The following SORCS3 variants were observed in gnomAD, a reference collection of about 807,000 sequenced individuals.
SORCS3 encodes VPS10 domain-containing receptor SorCS3.
SORCS3 carries 57 observed loss-of-function variants against 146.3 expected under a neutral mutation model. The ratio of observed to expected loss-of-function variants is 0.39; its 90% CI spans 0.31 to 0.49. SORCS3 has a LOEUF of 0.49. Ranked by LOEUF, SORCS3 falls within the 20% of genes least tolerant of loss-of-function variation. The pLI, the probability that SORCS3 is intolerant of heterozygous loss-of-function variation, is 0.92. For synonymous variants in SORCS3, 653 were observed against 618.5 expected, an observed-to-expected ratio of 1.06 and a Z score of -0.83; for missense variants, 1,341 against 1,575.5, an observed-to-expected ratio of 0.85 and a Z score of 2.52.
At chr10:105,067,016 T>C (rs1288208370) in intron 5 of SORCS3, among the ~76,000 whole-genome samples, 1 of 152,208 alleles carries the variant, frequency 6.6e-6, no homozygotes, top group Non-Finnish European at 1.5e-5. Flanking sequence ...GGTACACTTT[T>C]AATCTTGTCT....
In SORCS3 at chr10:104,973,950, C is replaced by T. The variant is rs1397069456; in HGVS notation, c.796-3385C>T. Among the ~76,000 whole-genome samples the T allele has an allele frequency of 3.1e-3, 470 of 152,068 alleles. 3 individuals are homozygous for T. The highest frequency in any genetic ancestry group is 0.018 in the South Asian group (84 of 4,800). On this transcript the variant is annotated intron_variant, in intron 3 of 26. Coordinates refer to ENST00000369701, the MANE Select transcript of SORCS3 (RefSeq NM_014978.3). ...CTTTATTTCTGCCTTCATTTCATTACGTACCCAGTAGTCATTCAGGAGCAG... is the reference window on the plus strand; with the variant it reads ...CTTTATTTCTGCCTTCATTTCATTATGTACCCAGTAGTCATTCAGGAGCAG...
chr10:105,200,562 G>A (rs938856756), intron 15 of SORCS3, among the ~76,000 whole-genome samples: 1 of 152,098 alleles, frequency 6.6e-6, no homozygotes, highest in Non-Finnish European at 1.5e-5. Flanking sequence ...GTCTAGCAAT[G>A]GTAGATATTT....
At chr10:105,226,234 C>A (rs1380467692) in intron 20 of SORCS3, among the ~76,000 whole-genome samples, 1 of 151,816 alleles carries the variant, frequency 6.6e-6, no homozygotes, top group Non-Finnish European at 1.5e-5. Flanking sequence ...TACATTCCTT[C>A]TATGCTGGTT....
At chr10:104,730,027 T>C (rs1445780120) in intron 1 of SORCS3, among the ~76,000 whole-genome samples, 1 of 152,204 alleles carries the variant, frequency 6.6e-6, no homozygotes, top group Non-Finnish European at 1.5e-5. Context: ...ATCACCTTGC[T>C]CAGACTTGGT....
intron 4 of SORCS3, among the ~76,000 whole-genome samples, chr10:104,987,974 T>C (rs73351636): frequency 0.054 from 8,248 of 152,288 alleles, 258 homozygotes; most frequent in Middle Eastern, 0.082. Context: ...TAGCTGCTCC[T>C]TGGAAATAGA....
intron 9 of SORCS3, among the ~76,000 whole-genome samples, chr10:105,151,765 T>C (rs901229345): frequency 3.9e-5 from 6 of 152,188 alleles, no homozygotes; most frequent in African/African-American, 7.2e-5. Flanking sequence ...TTCAAATCTG[T>C]TGGAGTTGTC....
At chr10:104,754,141 G>A (rs925698805) in intron 1 of SORCS3, among the ~76,000 whole-genome samples, 6 of 152,178 alleles carry the variant, frequency 3.9e-5, no homozygotes, top group Non-Finnish European at 7.4e-5. Flanking sequence ...CTTAAATCAA[G>A]GTTAAGCAGC....
intron 4 of SORCS3, among the ~76,000 whole-genome samples, chr10:104,987,355 T>G (rs1447790616): frequency 6.6e-6 from 1 of 152,168 alleles, no homozygotes; most frequent in Non-Finnish European, 1.5e-5. Flanking sequence ...TCCAAATTTT[T>G]TATTATTTCA....
chr10:105,213,104 A>C (rs563605976), intron 17 of SORCS3, among the ~76,000 whole-genome samples: 2 of 152,330 alleles, frequency 1.3e-5, no homozygotes, highest in African/African-American at 4.8e-5. Context: ...TGCCTACCAT[A>C]TGGACAAGTG....
chr10:105,111,766 G>A (rs1048850446), intron 7 of SORCS3, among the ~76,000 whole-genome samples: 3 of 152,230 alleles, frequency 2.0e-5, no homozygotes, highest in African/African-American at 7.2e-5. Context: ...CAAAGCACAT[G>A]TTGCTCTTGG....
intron 1 of SORCS3, among the ~76,000 whole-genome samples, chr10:104,833,669 T>C (rs1412063158): frequency 1.3e-5 from 2 of 152,188 alleles, no homozygotes; most frequent in African/African-American, 4.8e-5. Flanking sequence ...AATGCTGACA[T>C]GCCCCAGCTG....
intron 1 of SORCS3, among the ~76,000 whole-genome samples, chr10:104,814,166 G>T (rs904062423): frequency 2.6e-5 from 4 of 152,050 alleles, no homozygotes; most frequent in African/African-American, 9.7e-5. Context: ...GACACAAGGG[G>T]GGAGTTAAAT....
chr10:104,995,983 T>C (rs977650713), intron 4 of SORCS3, among the ~76,000 whole-genome samples: 14 of 152,322 alleles, frequency 9.2e-5, no homozygotes, highest in Admixed American at 3.9e-4. Context: ...GGATACCAAA[T>C]TATTCTAACA....
intron 1 of SORCS3, among the ~76,000 whole-genome samples, chr10:104,702,217 T>C (rs1367136125): frequency 1.3e-5 from 2 of 152,208 alleles, no homozygotes; most frequent in Admixed American, 1.3e-4. Flanking sequence ...TGTTTTCATA[T>C]GGTTTCTGCA....
chr10:104,718,246 C>T (rs2016502465), intron 1 of SORCS3, among the ~76,000 whole-genome samples: 1 of 152,116 alleles, frequency 6.6e-6, no homozygotes, highest in Admixed American at 6.6e-5. Flanking sequence ...CAAGGGGCCC[C>T]TACCTGGTGT....
At chr10:105,214,294 T>G (rs2119648216) in intron 17 of SORCS3, 148 bp from the exon 18 acceptor site, 1 of 785,416 alleles carries the variant, frequency 1.3e-6, no homozygotes, top group South Asian at 1.7e-5. Context: ...GACTGTCTTT[T>G]TGAGACTTGG....
intron 5 of SORCS3, among the ~76,000 whole-genome samples, chr10:105,074,188 G>C (rs938952570): frequency 6.6e-6 from 1 of 152,162 alleles, no homozygotes; most frequent in Non-Finnish European, 1.5e-5. Context: ...GTCTTGTCCA[G>C]ACAAGCCTGC....
chr10:105,100,180 G>C (rs791108), intron 6 of SORCS3, among the ~76,000 whole-genome samples: 24,157 of 152,142 alleles, frequency 0.16, 2,124 homozygotes, highest in Middle Eastern at 0.2. Context: ...TTCTATTCCT[G>C]GTGCAGGGAA....
At chr10:105,127,547 A>G (rs578127213) in intron 7 of SORCS3, among the ~76,000 whole-genome samples, 14 of 152,278 alleles carry the variant, frequency 9.2e-5, no homozygotes, top group Non-Finnish European at 1.6e-4. Context: ...TGCTCAGATC[A>G]AATGAGATTC....
Sources: allele counts gnomAD v4.1 joint callset (sites outside exome capture counted in the v4.1 genomes callset), GRCh38; gene constraint gnomAD v4.1.1; transcripts MANE v1.5; gene names NCBI Gene and HGNC (gene_info 2026-07-23, HGNC 2026-07-21).